The following UBAC2 variants were observed in gnomAD, a reference collection of about 807,000 sequenced individuals.
The protein encoded by UBAC2 is ubiquitin-associated domain-containing protein 2.
A neutral mutation model predicts 44.0 loss-of-function variants in UBAC2; 26 were observed. That is an observed-to-expected ratio of 0.59 (90% confidence interval 0.43 to 0.82). UBAC2 has a LOEUF of 0.82. UBAC2 is among the 40% of genes least tolerant of loss of function. UBAC2 has a pLI of 0.00. For missense variants in UBAC2, 329 were observed against 419.4 expected (o/e 0.78, Z 1.88); for synonymous variants, 155 against 154.3 (o/e 1.00, Z -0.04).
chr13:99,342,432 C>G (rs1480873055), intron 7 of UBAC2, among the ~76,000 whole-genome samples: 1 of 152,058 alleles, frequency 6.6e-6, no homozygotes, highest in Non-Finnish European at 1.5e-5. Flanking sequence ...TGGAAAGGGC[C>G]CAGCATAGTC....
chr13:99,201,158 C>A lies in UBAC2; in HGVS notation c.31+219C>A, dbSNP rs1019329960. ...CGAATGGGGACAAAGCCCCGCCGCC[C>A]GCCCCGACCCCACCTGGTATCCCCA... is the stretch of plus-strand genomic sequence containing the variant. On this transcript the variant is annotated intron_variant, in intron 1 of 8. Transcript: ENST00000403766. 23 of 1,359,768 alleles carry A rather than the reference C, an allele frequency of 1.7e-5. No individual in the cohort carries two copies. In the Admixed American group the frequency reaches 7.1e-4, roughly 42 times the overall value. The allele number at this position is 1,359,768 out of a possible 1,614,324, so 84.2% of individuals were successfully genotyped here.
At chr13:99,368,553 T>C (rs1223435414) in intron 8 of UBAC2, among the ~76,000 whole-genome samples, 1 of 152,210 alleles carries the variant, frequency 6.6e-6, no homozygotes, top group Non-Finnish European at 1.5e-5. Context: ...GTGTGTATTA[T>C]AGATTTGAGC....
intron 7 of UBAC2, among the ~76,000 whole-genome samples, chr13:99,343,918 C>T (rs2044932302): frequency 1.3e-5 from 2 of 152,162 alleles, no homozygotes; most frequent in African/African-American, 4.8e-5. Flanking sequence ...TTTTCATTTA[C>T]TTTTCAACAA....
intron 4 of UBAC2, among the ~76,000 whole-genome samples, chr13:99,276,619 A>G (rs747449163): frequency 2.0e-5 from 3 of 152,128 alleles, no homozygotes. Context: ...AAGAGTTTTT[A>G]TAGGGCTCCA....
chr13:99,365,921 A>G (rs544701634), intron 7 of UBAC2, among the ~76,000 whole-genome samples: 63 of 152,292 alleles, frequency 4.1e-4, no homozygotes, highest in African/African-American at 1.4e-3. Flanking sequence ...ATTGTGTTAC[A>G]TATAAATATG....
At chr13:99,273,690 C>A (rs2043846411) in intron 4 of UBAC2, among the ~76,000 whole-genome samples, 1 of 152,066 alleles carries the variant, frequency 6.6e-6, no homozygotes, top group Non-Finnish European at 1.5e-5. Context: ...CAAGCAGATT[C>A]ATCCATTTGG....
At chr13:99,348,607 G>A (rs1453902758) in intron 7 of UBAC2, among the ~76,000 whole-genome samples, 1 of 152,256 alleles carries the variant, frequency 6.6e-6, no homozygotes, top group Non-Finnish European at 1.5e-5. Flanking sequence ...AATTGCTGTT[G>A]TGTTCATCCT....
chr13:99,259,075 T>G (rs2043617582), intron 4 of UBAC2, among the ~76,000 whole-genome samples: 1 of 152,178 alleles, frequency 6.6e-6, no homozygotes. Context: ...TCTGAAGTCT[T>G]TAGTGGACTG....
intron 6 of UBAC2, among the ~76,000 whole-genome samples, chr13:99,337,796 G>A (rs1223174886): frequency 6.6e-6 from 1 of 152,100 alleles, no homozygotes; most frequent in Non-Finnish European, 1.5e-5. Flanking sequence ...TCTGTGGAGG[G>A]GAGAAAGGGT....
Position 99,367,923 on chromosome 13 carries a change from A to C in UBAC2, c.927+17A>C. 6.2e-7 allele frequency: 1 copy of C among 1,607,034 alleles called. No homozygotes were observed. The highest frequency in any genetic ancestry group is 8.5e-7 in the Non-Finnish European group (1 of 1,176,662). On this transcript the variant is annotated intron_variant, in intron 8 of 8. Transcript: ENST00000403766. The stretch of plus-strand genomic sequence containing the variant: ...GAGGAACAGGTAATTAATCAGTAAT[A>C]CCTGGTACTCATTCTAAATCCATGT...
At position 99,201,965 on chromosome 13, in the gene UBAC2, C is replaced by T. The variant is rs2042807632; in HGVS notation, c.31+1026C>T. Among the ~76,000 whole-genome samples, 5 of 149,538 alleles carry T rather than the reference C, an allele frequency of 3.3e-5. No individual in the cohort carries two copies. In the Admixed American group the frequency reaches 3.4e-4, roughly 10 times the overall value. ...GCGGGTGCCTGTATTCCCAGCTACT[C>T]GGGAGGCTGAGGCAGGAGAATGGCG... On this transcript the variant is annotated intron_variant, in intron 1 of 8. Coordinates refer to ENST00000403766, the MANE Select transcript of UBAC2 (RefSeq NM_001144072.2).
At chr13:99,318,001 C>G (rs1222852153) in intron 5 of UBAC2, 21 bp from the exon 6 acceptor site, 1 of 1,594,178 alleles carries the variant, frequency 6.3e-7, no homozygotes, top group Non-Finnish European at 8.5e-7. Flanking sequence ...TTTTTAGTTG[C>G]CTTTTTTTTT....
chr13:99,230,160 T>C (rs753747097), intron 1 of UBAC2, among the ~76,000 whole-genome samples: 6 of 152,124 alleles, frequency 3.9e-5, no homozygotes, highest in Non-Finnish European at 8.8e-5. Flanking sequence ...ACAAACGTGG[T>C]GGTTTAAAAC....
chr13:99,267,386 A>G (rs2043757569), intron 4 of UBAC2, among the ~76,000 whole-genome samples: 1 of 152,178 alleles, frequency 6.6e-6, no homozygotes, highest in Non-Finnish European at 1.5e-5. Flanking sequence ...CTCATTTATC[A>G]TATTTTGATG....
chr13:99,238,296 C>G, intron 1 of UBAC2, 131 bp from the exon 2 acceptor site: 2 of 1,243,186 alleles, frequency 1.6e-6, no homozygotes, highest in Non-Finnish European at 2.2e-6. Context: ...GATATTAGAA[C>G]CAAATTTCAG....
At chr13:99,332,872 A>G (rs2044735909) in intron 6 of UBAC2, among the ~76,000 whole-genome samples, 1 of 152,156 alleles carries the variant, frequency 6.6e-6, no homozygotes, top group South Asian at 2.1e-4. Context: ...CAAATCCAAC[A>G]TATGGTCTTT....
intron 4 of UBAC2, among the ~76,000 whole-genome samples, chr13:99,249,527 A>G (rs1191971594): frequency 6.6e-6 from 1 of 152,130 alleles, no homozygotes; most frequent in Non-Finnish European, 1.5e-5. Context: ...TTTTTGGTAG[A>G]ATGATTTATT....
chr13:99,347,643 C>T (rs920386382), intron 7 of UBAC2, among the ~76,000 whole-genome samples: 2 of 151,770 alleles, frequency 1.3e-5, no homozygotes, highest in African/African-American at 4.8e-5. Context: ...TGAACAGTGA[C>T]CAGGGTGATG....
intron 6 of UBAC2, among the ~76,000 whole-genome samples, chr13:99,338,039 C>CTTTTTTTTTTT (rs747905404): frequency 6.6e-5 from 6 of 91,560 alleles, no homozygotes; most frequent in African/African-American, 5.0e-5. Flanking sequence ...AACTTTTTTT[C>CTTTTTTTTTTT]TTTTTTTCTT....
Sources: gnomAD v4.1 joint callset for allele counts (sites outside exome capture counted in the v4.1 genomes callset) on GRCh38, gnomAD v4.1.1 for gene constraint, MANE v1.5 for transcripts, NCBI Gene and HGNC (gene_info 2026-07-23, HGNC 2026-07-21) for gene names.